TMEM132D: variants seen among roughly 807,000 people sequenced by gnomAD.
The protein encoded by TMEM132D is mature OL transmembrane protein.
A neutral mutation model predicts 62.3 loss-of-function variants in TMEM132D; 21 were observed. The observed-to-expected ratio is 0.34, with a 90% CI of 0.24 to 0.49. The LOEUF (loss-of-function observed/expected upper bound fraction) is 0.49. Among genes scored for constraint, TMEM132D ranks in the 20% least tolerant of loss-of-function variants. The probability of loss-of-function intolerance (pLI) is 0.99; values close to 1 mark genes in which losing one functional copy is unlikely to be tolerated. For missense variants in TMEM132D, 1,346 were observed against 1,402.8 expected (o/e 0.96, Z 0.65); for synonymous variants, 621 against 575.6 (o/e 1.08, Z -1.13).
At chr12:129,736,068 T>C (rs1391765421) in intron 1 of TMEM132D, among the ~76,000 whole-genome samples, 2 of 152,172 alleles carry the variant, frequency 1.3e-5, no homozygotes, top group Admixed American at 1.3e-4. Context: ...AGAATGTACA[T>C]CCTCATCTCG....
chr12:129,408,050 C>T (rs1190855841), intron 3 of TMEM132D, among the ~76,000 whole-genome samples: 1 of 152,102 alleles, frequency 6.6e-6, no homozygotes, highest in Non-Finnish European at 1.5e-5. Context: ...CTGCTGCCTG[C>T]GTCCCTCCGT....
chr12:129,436,094 C>T (rs73151067), intron 3 of TMEM132D, among the ~76,000 whole-genome samples: 35,700 of 151,972 alleles, frequency 0.23, 4,412 homozygotes, highest in Non-Finnish European at 0.27. Flanking sequence ...CTGTGAGGGT[C>T]GGAGCCACGG....
intron 4 of TMEM132D, among the ~76,000 whole-genome samples, chr12:129,331,268 G>A (rs1419615291): frequency 6.6e-6 from 1 of 152,164 alleles, no homozygotes; most frequent in Non-Finnish European, 1.5e-5. Context: ...AGAGCTCTGC[G>A]GTCTTCCCCA....
At chr12:129,599,018 A>T (rs1878419203) in intron 2 of TMEM132D, among the ~76,000 whole-genome samples, 1 of 152,158 alleles carries the variant, frequency 6.6e-6, no homozygotes, top group African/African-American at 2.4e-5. Context: ...TTTGGAGAGA[A>T]TCTCTTTCCC....
rs543759712 is a variant in TMEM132D, at chr12:129,237,864, C to T, written c.1300-28201G>A. Among the ~76,000 whole-genome samples, 6 of 152,206 alleles carry T rather than the reference C, an allele frequency of 3.9e-5. No homozygotes were observed. In the East Asian group the frequency reaches 9.6e-4, roughly 24 times the overall value. ...GCACGGTGGCAGGAACCTGTAATCC[C>T]AGCTACTTGGGAGGCTGAGGCAGGA... On this transcript the variant is annotated intron_variant, in intron 4 of 8. Coordinates refer to ENST00000422113, the MANE Select transcript of TMEM132D (RefSeq NM_133448.3).
At chr12:129,384,000 G>A (rs977046534) in intron 3 of TMEM132D, among the ~76,000 whole-genome samples, 11 of 152,268 alleles carry the variant, frequency 7.2e-5, no homozygotes, top group Admixed American at 1.3e-4. Context: ...GTAGAACCTC[G>A]TAGACTTTGT....
chr12:129,248,190 T>C (rs189312077), intron 4 of TMEM132D, among the ~76,000 whole-genome samples: 208 of 152,334 alleles, frequency 1.4e-3, no homozygotes, highest in Non-Finnish European at 2.3e-3. Context: ...AAACGTTTGC[T>C]GAAGAAAATA....
intron 1 of TMEM132D, among the ~76,000 whole-genome samples, chr12:129,760,805 A>C (rs1482354365): frequency 2.6e-5 from 4 of 151,636 alleles, no homozygotes; most frequent in South Asian, 2.1e-4. Context: ...AATGCTCTCC[A>C]TCCCCTTTCT....
chr12:129,761,112 G>A (rs377248013), intron 1 of TMEM132D, among the ~76,000 whole-genome samples: 1 of 152,074 alleles, frequency 6.6e-6, no homozygotes, highest in Non-Finnish European at 1.5e-5. Context: ...GATCAGAAAT[G>A]TGGTAAACGC....
intron 1 of TMEM132D, among the ~76,000 whole-genome samples, chr12:129,747,602 GACAT>G (rs1215869289): frequency 2.1e-5 from 3 of 142,398 alleles, no homozygotes; most frequent in East Asian, 2.1e-4. Flanking sequence ...ATGCACACTT[GACAT>G]ACAGACACAC....
At chr12:129,775,639 A>T (rs557611553) in intron 1 of TMEM132D, among the ~76,000 whole-genome samples, 5 of 152,228 alleles carry the variant, frequency 3.3e-5, no homozygotes, top group Non-Finnish European at 5.9e-5. Flanking sequence ...AAACAGAAAA[A>T]TGCAGGAGAA....
intron 3 of TMEM132D, among the ~76,000 whole-genome samples, chr12:129,514,240 C>T (rs1875608681): frequency 6.6e-6 from 1 of 152,150 alleles, no homozygotes; most frequent in African/African-American, 2.4e-5. Flanking sequence ...ACCCATAATT[C>T]TATCGCTGCC....
intron 2 of TMEM132D, among the ~76,000 whole-genome samples, chr12:129,546,243 C>T (rs983736481): frequency 7.2e-5 from 11 of 152,162 alleles, no homozygotes; most frequent in Non-Finnish European, 1.6e-4. Context: ...TTATATAACC[C>T]TTGTCATGTA....
intron 1 of TMEM132D, among the ~76,000 whole-genome samples, chr12:129,782,023 C>T (rs148529949): frequency 7.9e-5 from 12 of 152,200 alleles, no homozygotes; most frequent in South Asian, 4.1e-4. Context: ...GCATTCATGA[C>T]GAGGTTAATG....
chr12:129,699,729 C>T lies in TMEM132D; in HGVS notation c.968+81G>A, dbSNP rs1881329098. On this transcript the variant is annotated intron_variant, in intron 2 of 8. Coordinates refer to ENST00000422113, the MANE Select transcript of TMEM132D (RefSeq NM_133448.3). ...GGCTCTACTTCGGTGAGCGATAACA[C>T]AGCTTTTCTGGTCAAACAGCTTCTG... 3.2e-6 allele frequency: 5 copies of T among 1,547,482 alleles called. No homozygotes were observed. In the South Asian group the frequency reaches 6.3e-5, roughly 19 times the overall value.
At chr12:129,550,685 C>G (rs187752569) in intron 2 of TMEM132D, among the ~76,000 whole-genome samples, 5 of 152,328 alleles carry the variant, frequency 3.3e-5, no homozygotes, top group Non-Finnish European at 7.4e-5. Context: ...TGAAGACAGA[C>G]ACTTTGATAA....
At chr12:129,162,356 T>C (rs1877423162) in intron 5 of TMEM132D, among the ~76,000 whole-genome samples, 1 of 152,152 alleles carries the variant, frequency 6.6e-6, no homozygotes, top group African/African-American at 2.4e-5. Flanking sequence ...ATGTTAGACA[T>C]CCAGCCTCCA....
intron 4 of TMEM132D, among the ~76,000 whole-genome samples, chr12:129,257,444 C>T (rs1166165330): frequency 1.3e-5 from 2 of 151,756 alleles, no homozygotes; most frequent in Non-Finnish European, 2.9e-5. Flanking sequence ...CTCCTGACCT[C>T]GTGATCTGCC....
At chr12:129,267,437 G>A (rs938246237) in intron 4 of TMEM132D, among the ~76,000 whole-genome samples, 4 of 152,098 alleles carry the variant, frequency 2.6e-5, no homozygotes, top group African/African-American at 9.7e-5. Context: ...ATTCACAATT[G>A]CTTCAAAGAG....
Sources: allele counts gnomAD v4.1 joint callset (sites outside exome capture counted in the v4.1 genomes callset), GRCh38; gene constraint gnomAD v4.1.1; transcripts MANE v1.5; gene names NCBI Gene and HGNC (gene_info 2026-07-23, HGNC 2026-07-21).